Variants in TSHZ1 observed in about 807,000 individuals in gnomAD.
TSHZ1 encodes the protein teashirt homolog 1.
In TSHZ1, 12 loss-of-function variants were observed where a neutral mutation model predicts 67.1. The observed-to-expected ratio is 0.18, with a 90% CI of 0.11 to 0.29. TSHZ1 has a LOEUF of 0.29. TSHZ1 is among the 10% of genes least tolerant of loss of function. The pLI is 1.00. For missense variants in TSHZ1, 1,305 were observed against 1,413.9 expected (o/e 0.92, Z 1.23); for synonymous variants, 632 against 622.4 (o/e 1.02, Z -0.23).
chr18:75,211,704 C>T lies in TSHZ1; in HGVS notation c.-173C>T, dbSNP rs1599364844. On this transcript the variant is annotated 5_prime_UTR_variant, in exon 1 of 2. Transcript: ENST00000580243. The stretch of plus-strand genomic sequence containing the variant: ...GCCTCCTGAGCGGCCCCGGGCGCGG[C>T]GGTCCATGCGAGCGGCTCCCCGCGG... The T allele has an allele frequency of 1.1e-5, 2 of 179,412 alleles. No individual in the cohort carries two copies. Among genetic ancestry groups the T allele is most frequent in the Non-Finnish European group, 2.0e-5 (2 of 98,002 alleles). 11.1% of individuals were successfully genotyped at this position (179,412 alleles called of 1,614,324 possible).
chr18:75,262,649 A>G (rs7229959), intron 1 of TSHZ1, among the ~76,000 whole-genome samples: 90,438 of 152,102 alleles, frequency 0.59, 26,955 homozygotes, highest in South Asian at 0.69. Flanking sequence ...AGCAAATGCA[A>G]CGTTCACTCT....
At chr18:75,279,622 G>GGACCTGGGC (rs2023660678) in intron 1 of TSHZ1, among the ~76,000 whole-genome samples, 1 of 152,182 alleles carries the variant, frequency 6.6e-6, no homozygotes, top group Admixed American at 6.5e-5. Flanking sequence ...GGGACCTGGG[G>GGACCTGGGC]CAGAGCAGCC....
At chr18:75,279,652 G>A (rs1398263768) in intron 1 of TSHZ1, among the ~76,000 whole-genome samples, 1 of 152,246 alleles carries the variant, frequency 6.6e-6, no homozygotes, top group African/African-American at 2.4e-5. Flanking sequence ...CTCTCTGGCA[G>A]TGCGGGGCAG....
rs1363567170 is a variant in TSHZ1 at position 75,287,448 on chromosome 18, C to T, written c.2041C>T (p.Pro681Ser). The change falls in exon 2 of 2, where the codon CCG becomes TCG. Residue 681 changes from proline (P) to serine (S), a missense_variant. By Grantham distance (74) the Pro-to-Ser change is moderately conservative (BLOSUM62 -1). Transcript: ENST00000580243. The surrounding 1 kb of genome is among the most constrained non-coding windows in gnomAD (Gnocchi z 5.0). ...SPIAKENKDF[P>S]KTEEVSGKPQ... ...CATAGCAAAAGAGAATAAAGATTTC[C>T]CGAAAACGGAGGAAGTCAGCGGCAA... 9.9e-6 allele frequency: 16 copies of T among 1,614,072 alleles called. No homozygotes were observed. In the East Asian group the frequency reaches 3.6e-4, roughly 36 times the overall value.
chr18:75,228,573 G>A (rs1271920943), intron 1 of TSHZ1, among the ~76,000 whole-genome samples: 2 of 152,240 alleles, frequency 1.3e-5, no homozygotes, highest in Non-Finnish European at 2.9e-5. Flanking sequence ...TGGGGAGAAC[G>A]CACAGTTATC....
At chr18:75,237,208 G>C (rs1269406000) in intron 1 of TSHZ1, among the ~76,000 whole-genome samples, 3 of 152,320 alleles carry the variant, frequency 2.0e-5, no homozygotes, top group Non-Finnish European at 2.9e-5. Flanking sequence ...TTCTGTTGCT[G>C]TCATGTTCCA....
intron 1 of TSHZ1, among the ~76,000 whole-genome samples, chr18:75,265,069 G>A (rs993317968): frequency 4.6e-5 from 7 of 152,210 alleles, no homozygotes; most frequent in African/African-American, 9.7e-5. Context: ...CATGCAGAAT[G>A]TGATCCCACT....
chr18:75,266,720 C>G (rs989824653), intron 1 of TSHZ1, among the ~76,000 whole-genome samples: 15 of 152,196 alleles, frequency 9.9e-5, no homozygotes, highest in African/African-American at 3.6e-4. Flanking sequence ...TTGTGGGCTC[C>G]TATAGATCAC....
At chr18:75,261,716 G>A (rs1399627349) in intron 1 of TSHZ1, among the ~76,000 whole-genome samples, 3 of 152,250 alleles carry the variant, frequency 2.0e-5, no homozygotes. Flanking sequence ...GCACTTCTAA[G>A]AGCTGCTGTC....
At chr18:75,264,309 C>G (rs542615113) in intron 1 of TSHZ1, among the ~76,000 whole-genome samples, 1 of 152,288 alleles carries the variant, frequency 6.6e-6, no homozygotes, top group South Asian at 2.1e-4. Context: ...ATAGTTTACC[C>G]TTAACGGGAA....
At chr18:75,219,795 A>G (rs1008132186) in intron 1 of TSHZ1, among the ~76,000 whole-genome samples, 2 of 152,244 alleles carry the variant, frequency 1.3e-5, no homozygotes, top group African/African-American at 4.8e-5. Context: ...TGCACACGTG[A>G]CACGAGTTGT....
intron 1 of TSHZ1, among the ~76,000 whole-genome samples, chr18:75,222,534 G>A (rs1240825300): frequency 6.6e-6 from 1 of 152,004 alleles, no homozygotes; most frequent in Non-Finnish European, 1.5e-5. Flanking sequence ...GAATGGGGTC[G>A]AGGGATGGTC....
chr18:75,232,721 T>C (rs1206021947), intron 1 of TSHZ1, among the ~76,000 whole-genome samples: 1 of 152,232 alleles, frequency 6.6e-6, no homozygotes, highest in African/African-American at 2.4e-5. Flanking sequence ...CATCTTTTAC[T>C]TGAAATCCTT....
intron 1 of TSHZ1, chr18:75,244,693 C>T (rs531895738): frequency 1.2e-4 from 19 of 152,326 alleles, no homozygotes; most frequent in Admixed American, 9.2e-4. Flanking sequence ...GCATAAAGCG[C>T]TTTGGGTATG....
rs1393436273 is a variant in TSHZ1 at position 75,281,197 on chromosome 18, C to G, written c.41-4251C>G. Among the ~76,000 whole-genome samples the G allele has an allele frequency of 1.3e-5, 2 of 152,208 alleles. No individual in the cohort carries two copies. Among genetic ancestry groups the G allele is most frequent in the Non-Finnish European group, 2.9e-5 (2 of 68,026 alleles). On this transcript the variant is annotated intron_variant, in intron 1 of 1. Coordinates refer to ENST00000580243, the MANE Select transcript of TSHZ1 (RefSeq NM_001308210.2). This position sits in a 1 kb window ranked among gnomAD's most constrained non-coding sequence, Gnocchi z 5.3. ...GGTCATCTGGGGACGTTGGAAGGCT[C>G]TGGCCACAGCTGGTCATCAGTGCGG...
At chr18:75,267,636 A>T (rs2023505613) in intron 1 of TSHZ1, among the ~76,000 whole-genome samples, 1 of 152,226 alleles carries the variant, frequency 6.6e-6, no homozygotes, top group Non-Finnish European at 1.5e-5. Context: ...GTTAAATGAT[A>T]GCCGTTTCTC....
chr18:75,271,386 C>T (rs2023554435), intron 1 of TSHZ1, among the ~76,000 whole-genome samples: 1 of 152,176 alleles, frequency 6.6e-6, no homozygotes, highest in Non-Finnish European at 1.5e-5. Context: ...GCACCTTCTT[C>T]CATCTTTTTA....
Position 75,224,241 on chromosome 18 carries a change from C to T in TSHZ1, c.40+12325C>T, listed in dbSNP as rs11874548. Among the ~76,000 whole-genome samples the T allele has an allele frequency of 5.6e-3, 852 of 152,160 alleles. 7 individuals are homozygous for T. Among genetic ancestry groups the T allele is most frequent in the African/African-American group, 0.019 (806 of 41,506 alleles). ...AGAGACATAAATTTATGTTTTATGA[C>T]GTCTGTCTTCTTTAATTATTACCTT... On this transcript the variant is annotated intron_variant, in intron 1 of 1. Coordinates refer to ENST00000580243, the MANE Select transcript of TSHZ1 (RefSeq NM_001308210.2).
At chr18:75,264,277 G>A (rs192761948) in intron 1 of TSHZ1, among the ~76,000 whole-genome samples, 2 of 152,070 alleles carry the variant, frequency 1.3e-5, no homozygotes, top group African/African-American at 4.8e-5. Flanking sequence ...ATATGTTCGT[G>A]GATAGCATAT....
Sources: allele counts gnomAD v4.1 joint callset (sites outside exome capture counted in the v4.1 genomes callset), GRCh38; gene constraint gnomAD v4.1.1; non-coding constraint Gnocchi (gnomAD v3.1); transcripts MANE v1.5; gene names NCBI Gene and HGNC (gene_info 2026-07-23, HGNC 2026-07-21).